ACVR1: variants seen among roughly 807,000 people sequenced by gnomAD.
ACVR1 encodes the protein activin receptor type-1.
A neutral mutation model predicts 57.1 loss-of-function variants in ACVR1; 38 were observed. The observed-to-expected ratio is 0.67, with a 90% CI of 0.51 to 0.87. ACVR1 has a LOEUF of 0.87. Ranked by LOEUF, ACVR1 falls within the 40% of genes least tolerant of loss-of-function variation. The pLI is 0.00. For missense variants in ACVR1, 463 were observed against 638.2 expected, an observed-to-expected ratio of 0.73 and a Z score of 2.96; for synonymous variants, 212 against 228.1, an observed-to-expected ratio of 0.93 and a Z score of 0.63.
chr2:157,789,461 C>T (rs943421132), intron 3 of ACVR1, among the ~76,000 whole-genome samples: 1 of 152,192 alleles, frequency 6.6e-6, no homozygotes, highest in South Asian at 2.1e-4. Context: ...CCCTCTGGCT[C>T]CTGTAGCTGC....
chr2:157,823,619 T>C (rs1281372310), intron 1 of ACVR1, among the ~76,000 whole-genome samples: 1 of 152,178 alleles, frequency 6.6e-6, no homozygotes, highest in African/African-American at 2.4e-5. Context: ...TTAGAGCACC[T>C]TTCTCCTCCA....
chr2:157,764,844 G>A lies in ACVR1; in HGVS notation c.1066+1077C>T, dbSNP rs16842018. The stretch of plus-strand genomic sequence containing the variant: ...TTCAATGCTTATCCTAAAATCTTTC[G>A]TCTCCTACTTGGGAAACATTGTAAT... On this transcript the variant is annotated intron_variant, in intron 8 of 10. Transcript: ENST00000434821. Among the ~76,000 whole-genome samples the A allele has an allele frequency of 9.6e-4, 146 of 151,768 alleles. 3 individuals carry two copies. Among genetic ancestry groups the A allele is most frequent in the Admixed American group, 9.3e-3 (142 of 15,256 alleles).
At chr2:157,837,979 T>C (rs1015638476) in intron 1 of ACVR1, among the ~76,000 whole-genome samples, 1 of 152,210 alleles carries the variant, frequency 6.6e-6, no homozygotes, top group Non-Finnish European at 1.5e-5. Context: ...CATTGTTTTA[T>C]TGGCTACTTA....
chr2:157,742,626 T>C (rs985188584), intron 9 of ACVR1, among the ~76,000 whole-genome samples: 2 of 152,184 alleles, frequency 1.3e-5, no homozygotes, highest in African/African-American at 4.8e-5. Context: ...TAGTTTGCTA[T>C]ATGGCTCTGA....
At chr2:157,833,688 T>G (rs1202369860) in intron 1 of ACVR1, among the ~76,000 whole-genome samples, 2 of 152,004 alleles carry the variant, frequency 1.3e-5, no homozygotes, top group Non-Finnish European at 2.9e-5. Context: ...TTTGTCTACC[T>G]GATTTTGTTT....
At chr2:157,793,195 T>C (rs1319836015) in intron 3 of ACVR1, among the ~76,000 whole-genome samples, 1 of 152,188 alleles carries the variant, frequency 6.6e-6, no homozygotes, top group Admixed American at 6.5e-5. Flanking sequence ...CACTTAGAAG[T>C]GACTGCACTG....
intron 9 of ACVR1, among the ~76,000 whole-genome samples, chr2:157,746,383 G>T (rs546741785): frequency 2.6e-5 from 4 of 152,268 alleles, no homozygotes; most frequent in East Asian, 1.9e-4. Flanking sequence ...TATGACGTCA[G>T]ACTCTGGAAT....
chr2:157,797,290 A>G (rs1687158663), intron 3 of ACVR1, among the ~76,000 whole-genome samples: 1 of 152,218 alleles, frequency 6.6e-6, no homozygotes, highest in Admixed American at 6.5e-5. Flanking sequence ...TATTCTAAGT[A>G]CTGATTTTTT....
intron 2 of ACVR1, among the ~76,000 whole-genome samples, chr2:157,808,072 T>C (rs1401411522): frequency 2.0e-5 from 3 of 152,120 alleles, no homozygotes; most frequent in Non-Finnish European, 4.4e-5. Context: ...TCTCAGACCT[T>C]CTCACCCACC....
intron 1 of ACVR1, among the ~76,000 whole-genome samples, chr2:157,855,098 C>T (rs973371014): frequency 7.9e-5 from 12 of 151,656 alleles, no homozygotes; most frequent in African/African-American, 2.9e-4. Flanking sequence ...GGCTAGTACA[C>T]TGACTTTTAG....
At chr2:157,766,301 G>T in intron 7 of ACVR1, 105 bp from the exon 8 acceptor site, 1 of 1,185,426 alleles carries the variant, frequency 8.4e-7, no homozygotes, top group East Asian at 2.5e-5. Flanking sequence ...GTAACAAAAA[G>T]TAATTAAACT....
chr2:157,862,011 C>G (rs1387236456), intron 1 of ACVR1, among the ~76,000 whole-genome samples: 1 of 152,110 alleles, frequency 6.6e-6, no homozygotes, highest in East Asian at 1.9e-4. Flanking sequence ...GTAAGGTGAC[C>G]ACCTTTAATG....
intron 9 of ACVR1, among the ~76,000 whole-genome samples, chr2:157,742,502 A>G (rs535196698): frequency 1.6e-4 from 24 of 152,196 alleles, no homozygotes; most frequent in Admixed American, 1.4e-3. Flanking sequence ...CTCCCCCACA[A>G]CTTTTGGCAG....
At chr2:157,850,879 C>T (rs928602412) in intron 1 of ACVR1, among the ~76,000 whole-genome samples, 2 of 152,080 alleles carry the variant, frequency 1.3e-5, no homozygotes, top group Non-Finnish European at 2.9e-5. Flanking sequence ...ATTGCTTGAA[C>T]CTGGGAGGCG....
chr2:157,835,523 T>C (rs1047964924), intron 1 of ACVR1, among the ~76,000 whole-genome samples: 1 of 152,232 alleles, frequency 6.6e-6, no homozygotes, highest in African/African-American at 2.4e-5. Flanking sequence ...TTCTTAATAG[T>C]ATATTTTACT....
chr2:157,778,827 C>A (rs538797778), intron 4 of ACVR1, among the ~76,000 whole-genome samples: 14 of 152,258 alleles, frequency 9.2e-5, no homozygotes, highest in African/African-American at 2.9e-4. Context: ...GGAACCCATT[C>A]ATTCCTCTCT....
At chr2:157,775,486 C>A (rs1021716140) in intron 5 of ACVR1, among the ~76,000 whole-genome samples, 2 of 152,174 alleles carry the variant, frequency 1.3e-5, no homozygotes, top group Admixed American at 1.3e-4. Flanking sequence ...CCTACTAAAG[C>A]AATACATTGA....
intron 1 of ACVR1, among the ~76,000 whole-genome samples, chr2:157,846,578 A>G (rs1689132525): frequency 6.6e-6 from 1 of 152,192 alleles, no homozygotes; most frequent in South Asian, 2.1e-4. Context: ...TAACCTACAT[A>G]TGCCATATGA....
At chr2:157,770,616 C>T in intron 6 of ACVR1, 102 bp from the exon 7 acceptor site, 2 of 1,169,378 alleles carry the variant, frequency 1.7e-6, no homozygotes, top group Non-Finnish European at 1.3e-6. Context: ...CTCTTAATCC[C>T]TCCATTGCTT....
Sources: allele counts gnomAD v4.1 joint callset (sites outside exome capture counted in the v4.1 genomes callset), GRCh38; gene constraint gnomAD v4.1.1; transcripts MANE v1.5; gene names NCBI Gene and HGNC (gene_info 2026-07-23, HGNC 2026-07-21).